NBPF3: variants seen among roughly 807,000 people sequenced by gnomAD.
The protein encoded by NBPF3 is NBPF family member NBPF3.
In NBPF3, 57 loss-of-function variants were observed where a neutral mutation model predicts 78.1. That is an observed-to-expected ratio of 0.73 (90% CI 0.59 to 0.91). NBPF3 has a LOEUF of 0.91. Ranked by LOEUF, NBPF3 falls within the 40% of genes least tolerant of loss-of-function variation. The pLI is 0.00. For synonymous variants in NBPF3, 182 were observed against 271.7 expected (o/e 0.67, Z 3.25); for missense variants, 510 against 715.3 (o/e 0.71, Z 3.27).
rs752652848 is a variant in NBPF3, at chr1:21,468,716, C to T, written c.162C>T (p.Asn54=). The change falls in exon 3 of 15, where the codon AAC becomes AAT. Residue 54 remains asparagine (N), a synonymous_variant. Coordinates refer to ENST00000318249, the MANE Select transcript of NBPF3 (RefSeq NM_032264.6). ...CTGGCCCCACCTCTTCTGCCACAAA[C>T]GTCAGCATGGTGGTATCTGCCGGCC... is the stretch of plus-strand genomic sequence containing the variant. ...TVPGPTSSAT[N]VSMVVSAGPW... 176 of 1,613,314 alleles carry T rather than the reference C, an allele frequency of 1.1e-4. 1 individual carries two copies. The East Asian group carries it at 3.5e-3, about 32-fold the overall frequency.
At chr1:21,438,678 T>C (rs1640481982), upstream of NBPF3, among the ~76,000 whole-genome samples, 1 of 152,010 alleles carries the variant, frequency 6.6e-6, no homozygotes, top group African/African-American at 2.4e-5. Context: ...TCCTATGGAG[T>C]CGTTCCTGTT....
chr1:21,471,522 C>T, intron 4 of NBPF3, 47 bp from the exon 5 acceptor site: 1 of 1,611,246 alleles, frequency 6.2e-7, no homozygotes, highest in Non-Finnish European at 8.5e-7. Context: ...TAGAACTGAT[C>T]ACTCATCCCT....
upstream of NBPF3, among the ~76,000 whole-genome samples, chr1:21,439,557 C>G (rs1640510101): frequency 6.6e-6 from 1 of 151,934 alleles, no homozygotes; most frequent in South Asian, 2.1e-4. Flanking sequence ...TTCACAGGAA[C>G]AGCATCCCAC....
chr1:21,461,893 G>T (rs57758429), intron 2 of NBPF3, among the ~76,000 whole-genome samples: 1,951 of 152,300 alleles, frequency 0.013, 45 homozygotes, highest in African/African-American at 0.044. Context: ...GGGGGTAAAT[G>T]GGAGGTGTTT....
chr1:21,465,658 C>T (rs1434754856), intron 2 of NBPF3, among the ~76,000 whole-genome samples: 1 of 152,210 alleles, frequency 6.6e-6, no homozygotes, highest in African/African-American at 2.4e-5. Context: ...GACACTCCAA[C>T]TTCGGAAGAG....
chr1:21,436,975 C>T (rs1331836582), upstream of NBPF3: 1 of 367,706 alleles, frequency 2.7e-6, no homozygotes, highest in Non-Finnish European at 4.8e-6. The surrounding 1 kb of genome is among the most constrained non-coding windows in gnomAD (Gnocchi z 4.3). Context: ...GTGTCAGGAT[C>T]CCCAAGGAGG....
At chr1:21,473,716 G>A in intron 7 of NBPF3, 131 bp downstream of exon 7, 1 of 842,322 alleles carries the variant, frequency 1.2e-6, no homozygotes, top group South Asian at 1.6e-5. Flanking sequence ...ATATCAAGGA[G>A]GTTTTCTGTC....
In NBPF3 at chr1:21,468,909, A is replaced by T. The variant is rs745844963; in HGVS notation, c.343+12A>T. On this transcript the variant is annotated intron_variant, in intron 3 of 14. Transcript: ENST00000318249. ...GCAAAATAATTACGGTAAGTTCTAT[A>T]GGCTCACCATCACAAAAGCGATGAA... is the stretch of plus-strand genomic sequence containing the variant. The T allele has an allele frequency of 5.0e-6, 8 of 1,587,730 alleles. No homozygotes were observed.
At chr1:21,463,479 C>T (rs1642067904) in intron 2 of NBPF3, among the ~76,000 whole-genome samples, 1 of 152,112 alleles carries the variant, frequency 6.6e-6, no homozygotes, top group Non-Finnish European at 1.5e-5. Flanking sequence ...CAATGTCCAC[C>T]GTCCTCTAAA....
At chr1:21,471,824 T>C (rs773842144) in intron 5 of NBPF3, 41 bp downstream of exon 5, 1 of 1,606,580 alleles carries the variant, frequency 6.2e-7, no homozygotes, top group Admixed American at 1.7e-5. Flanking sequence ...AACCCCAGGC[T>C]TATGAGAGAC....
chr1:21,438,548 C>A (rs922509373), upstream of NBPF3, among the ~76,000 whole-genome samples: 1 of 152,142 alleles, frequency 6.6e-6, no homozygotes, highest in Admixed American at 6.5e-5. Flanking sequence ...GCACTTAGAA[C>A]AGAACAGATT....
chr1:21,484,220 C>T lies in NBPF3; in HGVS notation c.*834C>T. 7.2e-6 allele frequency: 1 copy of T among 138,174 alleles called. No individual in the cohort carries two copies. 8.6% of individuals were successfully genotyped at this position (138,174 alleles called of 1,614,324 possible). A position where few individuals can be genotyped will look rare whatever the true frequency, so the allele number is the denominator to read the frequency against. ...GGACAACTGACCTGTCTCCTTCACA[C>T]AGTCCACGTCACCACGAATCACACA... On this transcript the variant is annotated 3_prime_UTR_variant, in exon 15 of 15. Transcript: ENST00000318249.
intron 2 of NBPF3, among the ~76,000 whole-genome samples, chr1:21,446,880 A>T (rs558741991): frequency 3.3e-5 from 5 of 152,156 alleles, no homozygotes; most frequent in African/African-American, 9.6e-5. Context: ...TCCTTACCAG[A>T]AACCTGCACT....
intron 1 of NBPF3, among the ~76,000 whole-genome samples, chr1:21,444,644 C>T (rs1640856754): frequency 6.6e-6 from 1 of 152,138 alleles, no homozygotes; most frequent in Non-Finnish European, 1.5e-5. Flanking sequence ...AAGGAATCCT[C>T]CTGCCTCAGC....
upstream of NBPF3, among the ~76,000 whole-genome samples, chr1:21,437,038 G>A (rs1422219293): frequency 1.3e-5 from 2 of 151,270 alleles, no homozygotes; most frequent in Admixed American, 1.3e-4. Context: ...TGCTTGGGCA[G>A]CTGGGGGTGG....
In NBPF3 at chr1:21,471,649, C is replaced by G. The variant is rs200360894; in HGVS notation, c.527C>G (p.Ser176Cys). Residue 176 changes from serine (S) to cysteine (C), a missense_variant, in exon 5 of 15, where the codon TCC becomes TGC. Physicochemically the swap from Ser to Cys is moderately radical, Grantham distance 112 (BLOSUM62 -1). This residue lies in a region of NBPF3 where 440 missense variants were observed against 478.2 expected (regional missense o/e 0.92). Transcript: ENST00000318249. Reference sequence around the variant, plus strand: ...AAGTTACAGGAAGGGAGAGATGCCTCCCGCTCATTGAATCAGCATCTCCAG... The same window carrying G: ...AAGTTACAGGAAGGGAGAGATGCCTGCCGCTCATTGAATCAGCATCTCCAG... ...REKLQEGRDA[S>C]RSLNQHLQAL... 1 of 1,612,874 alleles carries G rather than the reference C, an allele frequency of 6.2e-7. No homozygotes were observed. The highest frequency in any genetic ancestry group is 1.3e-5 in the African/African-American group (1 of 74,868).
Position 21,479,820 on chromosome 1 carries a change from C to CTGTG in NBPF3, c.1209-201_1209-198dup, listed in dbSNP as rs59451117. On this transcript the variant is annotated intron_variant, in intron 10 of 14. Coordinates refer to ENST00000318249, the MANE Select transcript of NBPF3 (RefSeq NM_032264.6). ...TCTCTCTCTCTCTCTCTCTCTCTCTCTGTGTGTGTGTGTGTGTGTGTGTGT... is the reference window on the plus strand; with the variant it reads ...TCTCTCTCTCTCTCTCTCTCTCTCTCTGTGTGTGTGTGTGTGTGTGTGTGTGTGT... 3.3e-3 allele frequency among the ~76,000 whole-genome samples: 341 copies of CTGTG among 102,874 alleles called. 2 individuals are homozygous for CTGTG. The highest frequency in any genetic ancestry group is 5.2e-3 in the African/African-American group (156 of 29,776). The allele number at this position is 102,874 out of a possible 152,430, so 67.5% of individuals were successfully genotyped here.
At chr1:21,467,070 A>G (rs1642312128) in intron 2 of NBPF3, 3 of 984,546 alleles carry the variant, frequency 3.0e-6, no homozygotes, top group African/African-American at 3.5e-5. Flanking sequence ...TCATTTTTAA[A>G]ATAAAGAAAC....
Position 21,479,070 on chromosome 1 carries a change from A to G in NBPF3, c.1157-279A>G, listed in dbSNP as rs147291121. ...CATTAGAATGATTTGCCTCAAATCT[A>G]TTGGGAAAAACATTGCTCATTTGTG... On this transcript the variant is annotated intron_variant, in intron 9 of 14. Transcript: ENST00000318249. 6.3e-4 allele frequency among the ~76,000 whole-genome samples: 96 copies of G among 152,374 alleles called. 1 individual carries two copies. In the East Asian group the frequency reaches 0.011, roughly 17 times the overall value.
Sources: allele counts gnomAD v4.1 joint callset (sites outside exome capture counted in the v4.1 genomes callset), GRCh38; gene constraint gnomAD v4.1.1; regional missense constraint gnomAD v4.1.1; non-coding constraint Gnocchi (gnomAD v3.1); transcripts MANE v1.5; gene names NCBI Gene and HGNC (gene_info 2026-07-23, HGNC 2026-07-21).